ANXA8: variants seen among roughly 807,000 people sequenced by gnomAD.
ANXA8 encodes VAC-beta.
In ANXA8, 9 loss-of-function variants were observed where a neutral mutation model predicts 26.8. The ratio of observed to expected loss-of-function variants is 0.34; its 90% CI spans 0.20 to 0.59. The LOEUF (loss-of-function observed/expected upper bound fraction) is 0.59. Ranked by LOEUF, ANXA8 falls within the 20% of genes least tolerant of loss-of-function variation. The pLI is 0.84. For missense variants in ANXA8, 83 were observed against 238.5 expected (o/e 0.35, Z 4.29); for synonymous variants, 39 against 94.8 (o/e 0.41, Z 3.42).
chr10:47,778,611 C>T, the ANXA8 span, among the ~76,000 whole-genome samples: 1 of 151,602 alleles, frequency 6.6e-6, no homozygotes, highest in Non-Finnish European at 1.5e-5. Context: ...AGATTTTTCT[C>T]TTTATTTTTT....
chr10:47,486,474 A>G (rs1475608768), upstream of ANXA8, among the ~76,000 whole-genome samples: 1 of 139,134 alleles, frequency 7.2e-6, no homozygotes, highest in African/African-American at 2.6e-5. Context: ...GACATGAAAG[A>G]TCTTACTTAG....
the ANXA8 span, among the ~76,000 whole-genome samples, chr10:47,981,174 C>T: frequency 1.3e-5 from 2 of 151,612 alleles, no homozygotes; most frequent in Non-Finnish European, 3.0e-5. Context: ...AATTAATACA[C>T]CACATTAATA....
chr10:47,485,838 G>T (rs1421940076), upstream of ANXA8, among the ~76,000 whole-genome samples: 2 of 151,934 alleles, frequency 1.3e-5, no homozygotes, highest in African/African-American at 2.4e-5. Flanking sequence ...GCCAGGTGCG[G>T]TGGCTCACGC....
chr10:47,597,294 C>T, the ANXA8 span, among the ~76,000 whole-genome samples: 1 of 149,170 alleles, frequency 6.7e-6, no homozygotes, highest in South Asian at 2.1e-4. Context: ...CAAACCTAGT[C>T]TACGTTATAC....
At chr10:47,568,039 G>C in the ANXA8 span, 2 of 735,030 alleles carry the variant, frequency 2.7e-6, no homozygotes, top group Admixed American at 1.9e-5. Flanking sequence ...TTTTGTTTTT[G>C]TTTTTGCTTT....
the ANXA8 span, among the ~76,000 whole-genome samples, chr10:47,578,040 G>T: frequency 1.7e-5 from 1 of 59,146 alleles, no homozygotes; most frequent in Non-Finnish European, 4.2e-5. Context: ...GCTTGGCTGG[G>T]CACAGTGGCT....
chr10:47,776,105 G>A, the ANXA8 span, among the ~76,000 whole-genome samples: 1 of 152,074 alleles, frequency 6.6e-6, no homozygotes, highest in Non-Finnish European at 1.5e-5. Flanking sequence ...CAGTCAGGAG[G>A]AAACCGGTCT....
chr10:47,575,228 C>A, the ANXA8 span, among the ~76,000 whole-genome samples: 297 of 126,402 alleles, frequency 2.3e-3, no homozygotes, highest in African/African-American at 6.8e-3. Context: ...AGAAAGAAAG[C>A]AAGCAAGAAA....
At chr10:47,691,043 A>G in the ANXA8 span, 3 of 1,611,084 alleles carry the variant, frequency 1.9e-6, no homozygotes, top group African/African-American at 1.3e-5. Flanking sequence ...TTGTTTAGTC[A>G]TGGTGCTATC....
the ANXA8 span, among the ~76,000 whole-genome samples, chr10:47,896,166 C>T: frequency 6.7e-6 from 1 of 150,314 alleles, no homozygotes; most frequent in Non-Finnish European, 1.5e-5. Flanking sequence ...CTGAGTGCAG[C>T]CCTCCAGAAG....
chr10:47,743,251 T>C, the ANXA8 span, among the ~76,000 whole-genome samples: 3 of 121,296 alleles, frequency 2.5e-5, no homozygotes, highest in Admixed American at 2.8e-4. Flanking sequence ...GCTTCATATA[T>C]ATATATATAT....
At chr10:47,709,749 G>C in the ANXA8 span, among the ~76,000 whole-genome samples, 1 of 101,576 alleles carries the variant, frequency 9.8e-6, no homozygotes, top group Non-Finnish European at 1.9e-5. Flanking sequence ...TGTGGAAAGA[G>C]TAAGGCACAC....
chr10:47,508,080 G>A, the ANXA8 span, among the ~76,000 whole-genome samples: 1 of 132,574 alleles, frequency 7.5e-6, no homozygotes, highest in Non-Finnish European at 1.6e-5. Context: ...TTGGGGGGGT[G>A]GTGGGTGGAG....
At chr10:47,953,599 A>G in the ANXA8 span, among the ~76,000 whole-genome samples, 9 of 150,480 alleles carry the variant, frequency 6.0e-5, no homozygotes, top group Admixed American at 1.3e-4. Flanking sequence ...AGGAAATGAC[A>G]AAGTGAAGAG....
chr10:47,956,726 T>C, the ANXA8 span, among the ~76,000 whole-genome samples: 4 of 150,634 alleles, frequency 2.7e-5, no homozygotes, highest in African/African-American at 9.9e-5. Context: ...AGGGCTTCAA[T>C]GAGCCCTGTC....
chr10:47,631,414 C>A, the ANXA8 span, among the ~76,000 whole-genome samples: 2 of 151,338 alleles, frequency 1.3e-5, no homozygotes, highest in Admixed American at 6.6e-5. Context: ...AAATTTAAAT[C>A]TTTGCACAGT....
At chr10:47,566,742 G>A in the ANXA8 span, among the ~76,000 whole-genome samples, 10 of 125,722 alleles carry the variant, frequency 8.0e-5, no homozygotes, top group Admixed American at 1.6e-4. Context: ...CCCAGGGGAG[G>A]ATGGGGGTGT....
chr10:47,930,632 T>G, the ANXA8 span, among the ~76,000 whole-genome samples: 3 of 152,280 alleles, frequency 2.0e-5, no homozygotes, highest in African/African-American at 7.2e-5. Flanking sequence ...GGGTCTCCAC[T>G]CCCTCATTAG....
At chr10:47,579,049 G>A in the ANXA8 span, among the ~76,000 whole-genome samples, 2 of 144,952 alleles carry the variant, frequency 1.4e-5, no homozygotes, top group South Asian at 4.5e-4. Flanking sequence ...CACTACATTG[G>A]CCAGGCTAGT....
Sources: allele counts gnomAD v4.1 joint callset (sites outside exome capture counted in the v4.1 genomes callset), GRCh38; gene constraint gnomAD v4.1.1; transcripts MANE v1.5; gene names NCBI Gene and HGNC (gene_info 2026-07-23, HGNC 2026-07-21).